The following KLHDC10 variants were observed in gnomAD, a reference collection of about 807,000 sequenced individuals.
The protein encoded by KLHDC10 is kelch domain containing 10, also known as kelch domain-containing protein 10.
In KLHDC10, 24 loss-of-function variants were observed where a neutral mutation model predicts 56.1. The observed-to-expected ratio is 0.43, with a 90% confidence interval of 0.31 to 0.60. KLHDC10 has a LOEUF of 0.60. Ranked by LOEUF, KLHDC10 falls within the 20% of genes least tolerant of loss-of-function variation. The probability of loss-of-function intolerance (pLI) is 0.11; values close to 1 mark genes in which losing one functional copy is unlikely to be tolerated. For missense variants in KLHDC10, 349 were observed against 567.0 expected, an observed-to-expected ratio of 0.62 and a Z score of 3.91; for synonymous variants, 188 against 207.1, an observed-to-expected ratio of 0.91 and a Z score of 0.79.
chr7:130,098,181 C>T (rs535464883), intron 2 of KLHDC10, among the ~76,000 whole-genome samples: 54 of 152,166 alleles, frequency 3.5e-4, no homozygotes, highest in Non-Finnish European at 5.0e-4. Flanking sequence ...CACCTTTTAG[C>T]ATGAGTAAAT....
chr7:130,078,780 A>T (rs1173081071), intron 1 of KLHDC10, among the ~76,000 whole-genome samples: 1 of 152,178 alleles, frequency 6.6e-6, no homozygotes, highest in African/African-American at 2.4e-5. Context: ...GGCCTCCCGA[A>T]GTGTTGGGAT....
At chr7:130,100,622 C>A (rs1795916674) in intron 2 of KLHDC10, among the ~76,000 whole-genome samples, 1 of 152,152 alleles carries the variant, frequency 6.6e-6, no homozygotes, top group African/African-American at 2.4e-5. Flanking sequence ...CATGAAAATG[C>A]TATTGTTTAA....
At chr7:130,070,843 G>T in intron 1 of KLHDC10, 34 bp downstream of exon 1, 1 of 1,292,692 alleles carries the variant, frequency 7.7e-7, no homozygotes, top group Non-Finnish European at 9.8e-7. Flanking sequence ...ACCGCTTGCG[G>T]GCGGGAAGGT....
chr7:130,103,311 C>T (rs1016843040), intron 2 of KLHDC10, among the ~76,000 whole-genome samples: 6 of 151,388 alleles, frequency 4.0e-5, no homozygotes, highest in Non-Finnish European at 7.4e-5. Flanking sequence ...CTGTAATCCC[C>T]GCTACTCGGG....
chr7:130,094,514 C>T (rs1228904805), intron 1 of KLHDC10, among the ~76,000 whole-genome samples: 1 of 151,904 alleles, frequency 6.6e-6, no homozygotes, highest in African/African-American at 2.4e-5. Context: ...GGGGAAAAAA[C>T]AAAAATAATT....
At chr7:130,076,796 T>C (rs1253416691) in intron 1 of KLHDC10, among the ~76,000 whole-genome samples, 1 of 152,216 alleles carries the variant, frequency 6.6e-6, no homozygotes, top group Non-Finnish European at 1.5e-5. Context: ...ACTTTTATTC[T>C]GTTTCATTGA....
At chr7:130,097,453 A>G (rs1795865193) in intron 2 of KLHDC10, among the ~76,000 whole-genome samples, 1 of 152,176 alleles carries the variant, frequency 6.6e-6, no homozygotes, top group Admixed American at 6.5e-5. Context: ...TTTGTTAACA[A>G]AGGGGTAATA....
At chr7:130,073,155 G>A (rs1346246219) in intron 1 of KLHDC10, among the ~76,000 whole-genome samples, 2 of 152,048 alleles carry the variant, frequency 1.3e-5, no homozygotes, top group Admixed American at 6.6e-5. Flanking sequence ...GATCACTTGA[G>A]CCTAGGAGTT....
rs57491897 is a variant in KLHDC10 at position 130,135,183 on chromosome 7, A to AAAAAAAC, written c.*4447_*4453dup. ...GGGTGGAGTCAGAGGCAGTTTTCAG[A>AAAAAAAC]AAAAAACAAAAAACAATTTCACCAA... On this transcript the variant is annotated 3_prime_UTR_variant, in exon 10 of 10. Transcript: ENST00000335420. 0.71 allele frequency: 106,584 copies of AAAAAAAC among 150,766 alleles called. 38,736 individuals are homozygous for AAAAAAAC. The highest frequency in any genetic ancestry group is 0.8 in the Non-Finnish European group (54,378 of 67,784). The allele number at this position is 150,766 out of a possible 1,614,324, so 9.3% of individuals were successfully genotyped here.
At chr7:130,124,787 G>GTGAC (rs2116915611) in intron 6 of KLHDC10, among the ~76,000 whole-genome samples, 1 of 152,320 alleles carries the variant, frequency 6.6e-6, no homozygotes, top group East Asian at 1.9e-4. Context: ...GAAAAGGAAA[G>GTGAC]TGACTAAAAG....
rs1199286417 is a variant in KLHDC10 at position 130,134,411 on chromosome 7, C to T, written c.*3665C>T. On this transcript the variant is annotated 3_prime_UTR_variant, in exon 10 of 10. Coordinates refer to ENST00000335420, the MANE Select transcript of KLHDC10 (RefSeq NM_014997.4). ...CCTGAGCTCCAGGCCATCTCTCTAACCACCAAAGAACTCTTAGTACCTACG... is the reference window on the plus strand; with the variant it reads ...CCTGAGCTCCAGGCCATCTCTCTAATCACCAAAGAACTCTTAGTACCTACG... 2 of 152,214 alleles carry T rather than the reference C, an allele frequency of 1.3e-5. No homozygotes were observed. Among genetic ancestry groups the T allele is most frequent in the Admixed American group, 1.3e-4 (2 of 15,288 alleles). The allele number at this position is 152,214 out of a possible 1,614,324, so 9.4% of individuals were successfully genotyped here.
intron 1 of KLHDC10, among the ~76,000 whole-genome samples, chr7:130,085,854 A>T (rs1313824458): frequency 6.6e-6 from 1 of 151,106 alleles, no homozygotes; most frequent in Non-Finnish European, 1.5e-5. Context: ...AAAAAAAAAA[A>T]AATTAACAAC....
chr7:130,129,810 G>A (rs1796371646), intron 9 of KLHDC10, among the ~76,000 whole-genome samples: 1 of 152,098 alleles, frequency 6.6e-6, no homozygotes, highest in African/African-American at 2.4e-5. Context: ...GTGGCATTCC[G>A]GCCCTGACCG....
chr7:130,115,714 C>CAAAAAAAAAAAAAAAAAAAA lies in KLHDC10; in HGVS notation c.254-729_254-710dup, dbSNP rs11451164. 2.0e-5 allele frequency among the ~76,000 whole-genome samples: 2 copies of CAAAAAAAAAAAAAAAAAAAA among 100,278 alleles called. 1 individual carries two copies. The highest frequency in any genetic ancestry group is 3.7e-5 in the Non-Finnish European group (2 of 53,420). 65.8% of individuals were successfully genotyped at this position (100,278 alleles called of 152,430 possible). ...TGGGTGACAGAGTGAGACTTGGTCT[C>CAAAAAAAAAAAAAAAAAAAA]AAAAAAAAAAAAAAAAAAAAAGTTG... On this transcript the variant is annotated intron_variant, in intron 2 of 9. Transcript: ENST00000335420.
chr7:130,124,552 AG>A lies in KLHDC10; in HGVS notation c.864+18del. 7.5e-7 allele frequency: 1 copy of A among 1,333,516 alleles called. No individual in the cohort carries two copies. Among genetic ancestry groups the A allele is most frequent in the Non-Finnish European group, 1.1e-6 (1 of 928,422 alleles). The allele number at this position is 1,333,516 out of a possible 1,614,324, so 82.6% of individuals were successfully genotyped here. On this transcript the variant is annotated intron_variant, in intron 6 of 9. Transcript: ENST00000335420. ...TTAAACAAGGTATATTTTTTTAAAAAGAAAAAAAGGGAGAGGGAGAAGGATA... is the reference window on the plus strand; with the variant it reads ...TTAAACAAGGTATATTTTTTTAAAAAAAAAAAAGGGAGAGGGAGAAGGATA...
chr7:130,108,562 A>C (rs1432829338), intron 2 of KLHDC10, among the ~76,000 whole-genome samples: 1 of 149,746 alleles, frequency 6.7e-6, no homozygotes, highest in Non-Finnish European at 1.5e-5. Context: ...TATCCAAAAA[A>C]AAAAAAAAAA....
chr7:130,070,787 C>G lies in KLHDC10; in HGVS notation c.144C>G (p.Leu48=), dbSNP rs754644389. The G allele has an allele frequency of 2.3e-6, 3 of 1,306,912 alleles. No homozygotes were observed. The highest frequency in any genetic ancestry group is 2.9e-6 in the Non-Finnish European group (3 of 1,025,138). 81.0% of individuals were successfully genotyped at this position (1,306,912 alleles called of 1,614,324 possible). ...GCCAGCTCAACCGCTTCGTGCAACT[C>G]TCCGGGCGGCCGCACCTGCCAGGTG... ...GTGQLNRFVQ[L]SGRPHLPGKK... The change falls in exon 1 of 10, where the codon CTC becomes CTG. Residue 48 remains leucine, a synonymous_variant. Transcript: ENST00000335420.
chr7:130,096,548 CA>C (rs1449197081), intron 1 of KLHDC10, among the ~76,000 whole-genome samples: 1 of 152,112 alleles, frequency 6.6e-6, no homozygotes, highest in African/African-American at 2.4e-5. Context: ...CAATTAGTTT[CA>C]GAGCTCCATT....
At chr7:130,129,907 C>G (rs768724405) in intron 9 of KLHDC10, among the ~76,000 whole-genome samples, 9 of 152,160 alleles carry the variant, frequency 5.9e-5, no homozygotes, top group Non-Finnish European at 1.0e-4. Context: ...TTCTTGAAGG[C>G]AAAGGCCTTT....
Sources: gnomAD v4.1 joint callset for allele counts (sites outside exome capture counted in the v4.1 genomes callset) on GRCh38, gnomAD v4.1.1 for gene constraint, MANE v1.5 for transcripts, NCBI Gene and HGNC (gene_info 2026-07-23, HGNC 2026-07-21) for gene names.